Variants in SIPA1L1 observed in about 807,000 individuals in gnomAD.
The protein encoded by SIPA1L1 is signal induced proliferation associated 1 like 1.
SIPA1L1 carries 26 observed loss-of-function variants against 162.7 expected under a neutral mutation model. The ratio of observed to expected loss-of-function variants is 0.16; its 90% confidence interval spans 0.12 to 0.22. SIPA1L1 has a LOEUF of 0.22. SIPA1L1 is among the 10% of genes least tolerant of loss of function. The pLI is 1.00. For missense variants in SIPA1L1, 1,874 were observed against 2,241.0 expected (o/e 0.84, Z 3.31); for synonymous variants, 829 against 837.4 (o/e 0.99, Z 0.17).
Position 71,332,644 on chromosome 14 carries a change from A to C in SIPA1L1, c.-465+11463A>C, listed in dbSNP as rs540748908. Reference sequence around the variant, plus strand: ...CTTGGTTTCTTCTACTCCCACACCCACCCCAAAAGAATCTGGAAAGCTAGT... The same window carrying C: ...CTTGGTTTCTTCTACTCCCACACCCCCCCCAAAAGAATCTGGAAAGCTAGT... On this transcript the variant is annotated intron_variant, in intron 2 of 23. Transcript: ENST00000381232. 2.6e-5 allele frequency among the ~76,000 whole-genome samples: 4 copies of C among 152,128 alleles called. No individual in the cohort carries two copies. The South Asian group carries it at 8.3e-4, about 32-fold the overall frequency.
At chr14:71,350,401 C>G (rs554875084) in intron 2 of SIPA1L1, among the ~76,000 whole-genome samples, 1 of 152,188 alleles carries the variant, frequency 6.6e-6, no homozygotes. Flanking sequence ...GAGCAAGACT[C>G]TTTCTCAAGA....
chr14:71,448,986 A>G (rs35620527), intron 2 of SIPA1L1: 28,200 of 152,186 alleles, frequency 0.19, 3,123 homozygotes, highest in Middle Eastern at 0.37. Context: ...AAAAATGACA[A>G]CAGTGTTAAT....
At chr14:71,598,969 C>G (rs1329632227) in intron 5 of SIPA1L1, among the ~76,000 whole-genome samples, 1 of 151,940 alleles carries the variant, frequency 6.6e-6, no homozygotes, top group African/African-American at 2.4e-5. Context: ...ACCTACACAC[C>G]CTTCCTGGTC....
intron 8 of SIPA1L1, among the ~76,000 whole-genome samples, chr14:71,655,325 C>T (rs942946290): frequency 1.3e-5 from 2 of 152,128 alleles, no homozygotes; most frequent in Admixed American, 6.6e-5. Context: ...GGCTGCGTAC[C>T]ATTCCATGAT....
At chr14:71,374,254 GT>G in intron 2 of SIPA1L1, among the ~76,000 whole-genome samples, 1 of 152,008 alleles carries the variant, frequency 6.6e-6, no homozygotes, top group East Asian at 1.9e-4. Flanking sequence ...TGTTTTTGTA[GT>G]ATTTTACTAA....
intron 2 of SIPA1L1, among the ~76,000 whole-genome samples, chr14:71,443,972 A>G (rs1212494280): frequency 1.3e-5 from 2 of 152,190 alleles, no homozygotes; most frequent in African/African-American, 4.8e-5. Flanking sequence ...AGAGTCACAC[A>G]TGTTGTATCT....
intron 2 of SIPA1L1, among the ~76,000 whole-genome samples, chr14:71,395,820 C>T (rs897447352): frequency 3.3e-5 from 5 of 152,182 alleles, no homozygotes; most frequent in African/African-American, 7.2e-5. Flanking sequence ...GAAAACTATG[C>T]GCCAAGTACT....
In SIPA1L1 at chr14:71,700,994, CAAAAAAAAAAAAAAAAAAAAAA is replaced by C. The variant is rs539293669; in HGVS notation, c.3522-1368_3522-1347del. On this transcript the variant is annotated intron_variant, in intron 14 of 23. Transcript: ENST00000381232. Reference sequence around the variant, plus strand: ...TAGGGGACAGAGCAAGACTCCGTCTCAAAAAAAAAAAAAAAAAAAAAAAAAAAAAAAAAAAAAAAAGTTTTAT... The same window carrying C: ...TAGGGGACAGAGCAAGACTCCGTCTCAAAAAAAAAAAAAAAAAAGTTTTAT... Among the ~76,000 whole-genome samples, 46 of 51,752 alleles carry C rather than the reference CAAAAAAAAAAAAAAAAAAAAAA, an allele frequency of 8.9e-4. 1 individual carries two copies. The highest frequency in any genetic ancestry group is 4.2e-3 in the East Asian group (7 of 1,672). The allele number at this position is 51,752 out of a possible 152,430, so 34.0% of individuals were successfully genotyped here.
At chr14:71,636,950 C>T (rs1438482969) in intron 7 of SIPA1L1, among the ~76,000 whole-genome samples, 1 of 151,140 alleles carries the variant, frequency 6.6e-6, no homozygotes. Context: ...ACTCAAGAGG[C>T]TGAGGCAGGA....
At chr14:71,492,118 A>G (rs1282749119) in intron 2 of SIPA1L1, among the ~76,000 whole-genome samples, 1 of 152,126 alleles carries the variant, frequency 6.6e-6, no homozygotes, top group African/African-American at 2.4e-5. Flanking sequence ...GTTGGGAAAT[A>G]TTGGCTACTA....
At position 71,413,686 on chromosome 14, in the gene SIPA1L1, G is replaced by A. The variant is rs182755990; in HGVS notation, c.-465+92505G>A. 4.6e-5 allele frequency among the ~76,000 whole-genome samples: 7 copies of A among 152,274 alleles called. No homozygotes were observed. In the East Asian group the frequency reaches 1.4e-3, roughly 29 times the overall value. ...CAGGAGGCGGAGGTTGCAGTGAGCTGAGATCTTGCCACTGTACTCCAGCCT... is the reference window on the plus strand; with the variant it reads ...CAGGAGGCGGAGGTTGCAGTGAGCTAAGATCTTGCCACTGTACTCCAGCCT... On this transcript the variant is annotated intron_variant, in intron 2 of 23. Coordinates refer to ENST00000381232, the MANE Select transcript of SIPA1L1 (RefSeq NM_001386936.1).
chr14:71,394,088 G>A (rs1379487272), intron 2 of SIPA1L1, among the ~76,000 whole-genome samples: 1 of 152,172 alleles, frequency 6.6e-6, no homozygotes, highest in African/African-American at 2.4e-5. Context: ...GGATGTATGC[G>A]CTATCAAAGC....
At chr14:71,509,744 CAA>C (rs200495533) in intron 2 of SIPA1L1, among the ~76,000 whole-genome samples, 13 of 113,718 alleles carry the variant, frequency 1.1e-4, no homozygotes, top group Non-Finnish European at 7.6e-5. Flanking sequence ...AACTCCATCT[CAA>C]AAAAAAAAAA....
intron 13 of SIPA1L1, among the ~76,000 whole-genome samples, chr14:71,688,700 A>G (rs1418673636): frequency 6.6e-6 from 1 of 152,180 alleles, no homozygotes; most frequent in African/African-American, 2.4e-5. Flanking sequence ...AGTGCCATTT[A>G]CAATTTGTAC....
At chr14:71,716,506 T>A (rs1430090208) in intron 17 of SIPA1L1, among the ~76,000 whole-genome samples, 2 of 152,212 alleles carry the variant, frequency 1.3e-5, no homozygotes, top group Non-Finnish European at 2.9e-5. Context: ...AGTTTTCCCA[T>A]CAGCAGCTTT....
intron 7 of SIPA1L1, among the ~76,000 whole-genome samples, chr14:71,647,497 G>A (rs1366715268): frequency 1.3e-5 from 2 of 151,960 alleles, no homozygotes; most frequent in Non-Finnish European, 2.9e-5. Flanking sequence ...CACAAATTCA[G>A]TGTCGCTGTA....
intron 19 of SIPA1L1, among the ~76,000 whole-genome samples, chr14:71,726,164 A>G (rs1007730644): frequency 1.3e-5 from 2 of 152,234 alleles, no homozygotes; most frequent in Admixed American, 1.3e-4. Flanking sequence ...ATGATTTGTT[A>G]ACATGATTTA....
intron 2 of SIPA1L1, among the ~76,000 whole-genome samples, chr14:71,408,488 C>T (rs1185015972): frequency 1.3e-5 from 2 of 152,146 alleles, no homozygotes; most frequent in East Asian, 1.9e-4. Context: ...ATAAGATTTT[C>T]CCAGGGCCTT....
At chr14:71,575,959 G>A (rs2032959664) in intron 4 of SIPA1L1, among the ~76,000 whole-genome samples, 1 of 152,206 alleles carries the variant, frequency 6.6e-6, no homozygotes, top group Admixed American at 6.5e-5. Flanking sequence ...ACAGATATGT[G>A]TGAAATAACC....
Sources: gnomAD v4.1 joint callset for allele counts (sites outside exome capture counted in the v4.1 genomes callset) on GRCh38, gnomAD v4.1.1 for gene constraint, MANE v1.5 for transcripts, NCBI Gene and HGNC (gene_info 2026-07-23, HGNC 2026-07-21) for gene names.